Variants in EPHB1 observed in about 807,000 individuals in gnomAD.
EPHB1 encodes ephrin type-B receptor 1.
EPHB1 carries 30 observed loss-of-function variants against 94.4 expected under a neutral mutation model. That is an observed-to-expected ratio of 0.32 (90% CI 0.24 to 0.43). EPHB1 has a LOEUF of 0.43. Among genes scored for constraint, EPHB1 ranks in the 20% least tolerant of loss-of-function variants. EPHB1 has a pLI of 1.00. For missense variants in EPHB1, 1,055 were observed against 1,308.3 expected, an observed-to-expected ratio of 0.81 and a Z score of 2.99; for synonymous variants, 522 against 489.1, an observed-to-expected ratio of 1.07 and a Z score of -0.89.
At chr3:135,027,581 C>G (rs1429785553) in intron 3 of EPHB1, among the ~76,000 whole-genome samples, 23 of 146,356 alleles carry the variant, frequency 1.6e-4, no homozygotes, top group South Asian at 6.9e-4. Context: ...GATCATGGTG[C>G]ATAAGCTTTT....
intron 3 of EPHB1, among the ~76,000 whole-genome samples, chr3:135,088,147 T>C (rs1938428416): frequency 6.6e-6 from 1 of 152,206 alleles, no homozygotes. Flanking sequence ...TCTGAACTCA[T>C]GTTGACTTGA....
In EPHB1 at chr3:135,216,098, T is replaced by A. The variant is rs962047913; in HGVS notation, c.2346+14409T>A. 4.6e-5 allele frequency among the ~76,000 whole-genome samples: 7 copies of A among 152,162 alleles called. No homozygotes were observed. The South Asian group carries it at 6.2e-4, about 14-fold the overall frequency. ...CAGACCACACTTGGGCTCCAGCATC[T>A]TTTCACGGGGTGGCAACACCTGTGC... On this transcript the variant is annotated intron_variant, in intron 12 of 15. Transcript: ENST00000398015.
At chr3:134,863,509 C>T (rs1359150579) in intron 1 of EPHB1, among the ~76,000 whole-genome samples, 1 of 152,154 alleles carries the variant, frequency 6.6e-6, no homozygotes, top group Admixed American at 6.5e-5. Flanking sequence ...CAGCAAATGC[C>T]AACTGGAACA....
At chr3:134,956,539 G>T (rs961061974) in intron 3 of EPHB1, among the ~76,000 whole-genome samples, 1 of 152,128 alleles carries the variant, frequency 6.6e-6, no homozygotes, top group Non-Finnish European at 1.5e-5. Flanking sequence ...ATTGTCTGGG[G>T]CTGTCATGCA....
intron 1 of EPHB1, among the ~76,000 whole-genome samples, chr3:134,893,223 A>T (rs1269632947): frequency 2.6e-5 from 4 of 152,138 alleles, no homozygotes; most frequent in African/African-American, 9.7e-5. Flanking sequence ...AAGCCTATAA[A>T]ACCTTTTTTG....
chr3:135,027,726 A>G (rs2107758109), intron 3 of EPHB1, among the ~76,000 whole-genome samples: 1 of 145,538 alleles, frequency 6.9e-6, no homozygotes, highest in East Asian at 2.2e-4. Flanking sequence ...TATCAGAATG[A>G]TGCTGGCCTC....
intron 10 of EPHB1, among the ~76,000 whole-genome samples, chr3:135,187,158 G>C (rs1419672322): frequency 6.6e-6 from 1 of 152,194 alleles, no homozygotes; most frequent in Non-Finnish European, 1.5e-5. Context: ...GGCTATAGGA[G>C]AGGACCCAAT....
chr3:134,821,880 G>A (rs549153613), intron 1 of EPHB1, among the ~76,000 whole-genome samples: 3 of 152,310 alleles, frequency 2.0e-5, no homozygotes, highest in South Asian at 2.1e-4. Context: ...TGGTCTAGTT[G>A]TGGGGGAAAA....
chr3:135,188,818 T>C (rs747053976), intron 10 of EPHB1, among the ~76,000 whole-genome samples: 5 of 152,224 alleles, frequency 3.3e-5, no homozygotes, highest in Non-Finnish European at 5.9e-5. Flanking sequence ...AGATATTAAG[T>C]GGCATTCTTT....
chr3:135,164,991 G>C (rs1288157752), intron 7 of EPHB1, among the ~76,000 whole-genome samples: 1 of 152,118 alleles, frequency 6.6e-6, no homozygotes, highest in Non-Finnish European at 1.5e-5. Context: ...ATTCAAATGT[G>C]ATTGGCAGTC....
chr3:134,952,659 T>C (rs1933083213), intron 3 of EPHB1, among the ~76,000 whole-genome samples: 2 of 152,180 alleles, frequency 1.3e-5, no homozygotes, highest in African/African-American at 4.8e-5. Context: ...ACTATTGGAA[T>C]GGGAGTGGGA....
At chr3:135,044,439 T>C (rs149714702) in intron 3 of EPHB1, among the ~76,000 whole-genome samples, 1 of 152,146 alleles carries the variant, frequency 6.6e-6, no homozygotes, top group Non-Finnish European at 1.5e-5. Context: ...TTGCAGCACA[T>C]TGTGTGCTGC....
intron 2 of EPHB1, among the ~76,000 whole-genome samples, chr3:134,928,433 A>G (rs752756176): frequency 2.0e-5 from 3 of 152,228 alleles, no homozygotes; most frequent in Non-Finnish European, 4.4e-5. Flanking sequence ...CGGGGTGGCC[A>G]GGACTCTATG....
intron 12 of EPHB1, among the ~76,000 whole-genome samples, chr3:135,217,127 C>A (rs1362012793): frequency 6.6e-6 from 1 of 152,134 alleles, no homozygotes; most frequent in Non-Finnish European, 1.5e-5. Context: ...CTAGACCTGA[C>A]CTGCACAGGA....
chr3:135,009,749 G>A (rs111462368), intron 3 of EPHB1, among the ~76,000 whole-genome samples: 15 of 152,196 alleles, frequency 9.9e-5, no homozygotes, highest in African/African-American at 3.4e-4. Context: ...TTTTAACCTA[G>A]TTTTAATTAC....
At chr3:135,203,119 C>T (rs181155381) in intron 12 of EPHB1, among the ~76,000 whole-genome samples, 28 of 152,254 alleles carry the variant, frequency 1.8e-4, no homozygotes, top group East Asian at 9.7e-4. Flanking sequence ...AACACAGGAA[C>T]GGAAAACCAA....
chr3:134,987,194 A>G (rs189709177), intron 3 of EPHB1, among the ~76,000 whole-genome samples: 17 of 152,310 alleles, frequency 1.1e-4, no homozygotes, highest in Admixed American at 2.6e-4. Flanking sequence ...TATTAAGCAT[A>G]TAATACGTAC....
intron 3 of EPHB1, among the ~76,000 whole-genome samples, chr3:135,094,312 G>A (rs1938670958): frequency 1.3e-5 from 2 of 152,204 alleles, no homozygotes; most frequent in African/African-American, 4.8e-5. Context: ...CCCCTTCCCA[G>A]TCTCTGCCCA....
chr3:134,849,033 G>A (rs911371021), intron 1 of EPHB1, among the ~76,000 whole-genome samples: 11 of 152,266 alleles, frequency 7.2e-5, no homozygotes, highest in African/African-American at 2.4e-4. Flanking sequence ...GCGGGAGCCT[G>A]AGTTTCAGAT....
Sources: gnomAD v4.1 joint callset for allele counts (sites outside exome capture counted in the v4.1 genomes callset) on GRCh38, gnomAD v4.1.1 for gene constraint, MANE v1.5 for transcripts, NCBI Gene and HGNC (gene_info 2026-07-23, HGNC 2026-07-21) for gene names.